VSIG10: variants seen among roughly 807,000 people sequenced by gnomAD.
VSIG10 encodes the protein V-set and immunoglobulin domain containing 10.
In VSIG10, 48 loss-of-function variants were observed where a neutral mutation model predicts 58.7. That is an observed-to-expected ratio of 0.82 (90% CI 0.65 to 1.04). The LOEUF is 1.04. Ranked by LOEUF, VSIG10 falls within the 50% of genes least tolerant of loss-of-function variation. The pLI, the probability that VSIG10 is intolerant of heterozygous loss-of-function variation, is 0.00. For missense variants in VSIG10, 628 were observed against 670.0 expected, an observed-to-expected ratio of 0.94 and a Z score of 0.69; for synonymous variants, 260 against 267.1, an observed-to-expected ratio of 0.97 and a Z score of 0.26.
intron 2 of VSIG10, among the ~76,000 whole-genome samples, chr12:118,090,698 G>A (rs1022167947): frequency 6.6e-6 from 1 of 152,136 alleles, no homozygotes; most frequent in African/African-American, 2.4e-5. Context: ...TGTCACCCAG[G>A]ATGGAGTGCA....
rs2032345261 is a variant in VSIG10, at chr12:118,068,441, G to C, written c.1503C>G (p.His501Gln). Residue 501 changes from histidine to glutamine, a missense_variant, in exon 8 of 9, where the codon CAC becomes CAG. Coordinates refer to ENST00000359236, the MANE Select transcript of VSIG10 (RefSeq NM_019086.6). ...PKEIPKQDHI[H>Q]RVTALVNGNI... Reference sequence around the variant, plus strand: ...TCCCATTCACCAAGGCGGTCACTCTGTGAATGTGGTCCTGCTTAGGTATTT... The same window carrying C: ...TCCCATTCACCAAGGCGGTCACTCTCTGAATGTGGTCCTGCTTAGGTATTT... 1.9e-6 allele frequency: 3 copies of C among 1,613,828 alleles called. No homozygotes were observed. The highest frequency in any genetic ancestry group is 1.6e-4 in the Middle Eastern group (1 of 6,062).
intron 2 of VSIG10, among the ~76,000 whole-genome samples, chr12:118,087,668 C>T (rs1335033467): frequency 6.6e-6 from 1 of 151,544 alleles, no homozygotes; most frequent in Non-Finnish European, 1.5e-5. Context: ...GAGACCTTGT[C>T]TCTACAAAAA....
In VSIG10 at chr12:118,082,364, C is replaced by T. The variant is rs770204532; in HGVS notation, c.427G>A (p.Ala143Thr). ...AAGTCCACCTGGGAGCCCCTGGCTG[C>T]GTAGAGGGTGCCGTTGGGGAGTGTG... The part of the protein sequence containing the change: ...TGTLPNGTLY[A>T]ARGSQVDFSC... Residue 143 changes from alanine (A) to threonine (T), a missense_variant, in exon 3 of 9, where the codon GCA becomes ACA. Ala to Thr is a moderately conservative substitution (Grantham distance 58). Transcript: ENST00000359236. 137 of 1,613,762 alleles carry T rather than the reference C, an allele frequency of 8.5e-5. No homozygotes were observed. Among genetic ancestry groups the T allele is most frequent in the Non-Finnish European group, 1.0e-4 (120 of 1,179,876 alleles).
rs142194294 is a variant in VSIG10 at position 118,089,443 on chromosome 12, G to A, written c.361+6090C>T. Among the ~76,000 whole-genome samples, 1,316 of 152,244 alleles carry A rather than the reference G, an allele frequency of 8.6e-3. 32 individuals are homozygous for A. The highest frequency in any genetic ancestry group is 0.081 in the South Asian group (393 of 4,826). ...TAAAGAAACAAAAAGTTGCAATGTC[G>A]CCTTACCCCACTGTGGATAAAAGAT... On this transcript the variant is annotated intron_variant, in intron 2 of 8. Transcript: ENST00000359236.
intron 2 of VSIG10, among the ~76,000 whole-genome samples, chr12:118,091,449 G>A (rs2033294370): frequency 6.7e-6 from 1 of 150,244 alleles, no homozygotes; most frequent in Non-Finnish European, 1.5e-5. Context: ...CTGAGATCGT[G>A]CCACTGCACT....
chr12:118,099,867 C>G (rs543482494), intron 1 of VSIG10, among the ~76,000 whole-genome samples: 5 of 152,216 alleles, frequency 3.3e-5, no homozygotes, highest in Non-Finnish European at 5.9e-5. Flanking sequence ...AGATCTGAAG[C>G]CAGCCTGGAG....
intron 2 of VSIG10, among the ~76,000 whole-genome samples, chr12:118,089,304 T>G (rs764659887): frequency 2.6e-5 from 4 of 152,160 alleles, no homozygotes; most frequent in Non-Finnish European, 5.9e-5. Context: ...AACAAGACCT[T>G]GCCTTTATCT....
At chr12:118,069,795 T>TA (rs1168916241) in intron 7 of VSIG10, among the ~76,000 whole-genome samples, 1 of 152,204 alleles carries the variant, frequency 6.6e-6, no homozygotes, top group Non-Finnish European at 1.5e-5. Flanking sequence ...GGAGCTGTGT[T>TA]ACATTGTCAT....
chr12:118,082,555 G>A, intron 2 of VSIG10, 126 bp from the exon 3 acceptor site: 1 of 960,888 alleles, frequency 1.0e-6, no homozygotes, highest in Non-Finnish European at 1.5e-6. Context: ...TCTAATACTA[G>A]GTGACAAATG....
Position 118,095,644 on chromosome 12 carries a change from C to T in VSIG10, c.250G>A (p.Asp84Asn), listed in dbSNP as rs1460656999. 1 of 1,613,956 alleles carries T rather than the reference C, an allele frequency of 6.2e-7. No homozygotes were observed. The highest frequency in any genetic ancestry group is 2.2e-5 in the East Asian group (1 of 44,872). ...RPAEPRFSLV[D>N]ATSLHIESLS... ...GATTCAATGTGCAGGGAGGTGGCAT[C>T]CACTAGAGAGAAGCGAGGCTCAGCT... Residue 84 changes from aspartate to asparagine, a missense_variant, in exon 2 of 9, where the codon GAT becomes AAT. Coordinates refer to ENST00000359236, the MANE Select transcript of VSIG10 (RefSeq NM_019086.6).
intron 1 of VSIG10, 71 bp from the exon 2 acceptor site, chr12:118,095,885 T>C (rs2033436448): frequency 7.0e-7 from 1 of 1,419,968 alleles, no homozygotes; most frequent in Admixed American, 2.6e-5. Context: ...TGGACAGTAC[T>C]CCTGTATTAG....
At chr12:118,082,074 GT>G (rs2032972280) in intron 3 of VSIG10, 52 bp downstream of exon 3, 3 of 1,380,972 alleles carry the variant, frequency 2.2e-6, no homozygotes, top group Non-Finnish European at 3.0e-6. Flanking sequence ...CAGTTCATAA[GT>G]TCACAAAGGG....
intron 8 of VSIG10, among the ~76,000 whole-genome samples, 171 bp downstream of exon 8, chr12:118,068,194 CTTTTTTTTTTTT>C (rs71069404): frequency 2.0e-5 from 2 of 100,296 alleles, no homozygotes; most frequent in Non-Finnish European, 3.9e-5. Context: ...GCTAATTTTT[CTTTTTTTTTTTT>C]TTTTTTTTCG....
At chr12:118,074,249 A>G (rs2032621972) in intron 4 of VSIG10, among the ~76,000 whole-genome samples, 1 of 151,810 alleles carries the variant, frequency 6.6e-6, no homozygotes, top group African/African-American at 2.4e-5. Flanking sequence ...ACACCTGGCT[A>G]ATTTTTGTAT....
At chr12:118,102,618 T>C (rs2137970165) in intron 1 of VSIG10, 2 of 152,154 alleles carry the variant, frequency 1.3e-5, no homozygotes, top group Middle Eastern at 6.9e-3. Flanking sequence ...AATAAAATTG[T>C]ATGAGCCTAA....
At chr12:118,086,345 G>T (rs1005554698) in intron 2 of VSIG10, among the ~76,000 whole-genome samples, 1 of 151,800 alleles carries the variant, frequency 6.6e-6, no homozygotes, top group Non-Finnish European at 1.5e-5. Flanking sequence ...GTGGGTGCCT[G>T]TAATCCCAGC....
Position 118,064,578 on chromosome 12 carries a change from G to A in VSIG10, c.*2061C>T, listed in dbSNP as rs2032185905. 1 of 151,930 alleles carries A rather than the reference G, an allele frequency of 6.6e-6. No homozygotes were observed. The highest frequency in any genetic ancestry group is 2.4e-5 in the African/African-American group (1 of 41,358). The allele number at this position is 151,930 out of a possible 1,614,324, so 9.4% of individuals were successfully genotyped here. A position where few individuals can be genotyped will look rare whatever the true frequency, so the allele number is the denominator to read the frequency against. ...CTCACTCAGTAATTCAGTGACTTTA[G>A]AAGCAAGCTGAGTATCTCATTCTAA... is the stretch of plus-strand genomic sequence containing the variant. On this transcript the variant is annotated 3_prime_UTR_variant, in exon 9 of 9. Transcript: ENST00000359236.
intron 1 of VSIG10, chr12:118,103,027 G>T (rs898846681): frequency 6.6e-6 from 1 of 152,184 alleles, no homozygotes; most frequent in Non-Finnish European, 1.5e-5. Context: ...GAAGTCTTTT[G>T]TAAGTCAGCC....
At chr12:118,088,762 G>C (rs1006943924) in intron 2 of VSIG10, among the ~76,000 whole-genome samples, 3 of 152,046 alleles carry the variant, frequency 2.0e-5, no homozygotes, top group African/African-American at 7.2e-5. Flanking sequence ...TGGTGTATTT[G>C]AATCAAAGGG....
Sources: allele counts gnomAD v4.1 joint callset (sites outside exome capture counted in the v4.1 genomes callset), GRCh38; gene constraint gnomAD v4.1.1; transcripts MANE v1.5; gene names NCBI Gene and HGNC (gene_info 2026-07-23, HGNC 2026-07-21).